The following LINC00237 variants were observed in gnomAD, a reference collection of about 807,000 sequenced individuals.
LINC00237 encodes long independently transcribed non-coding RNA 237.
intron 1 of LINC00237, among the ~76,000 whole-genome samples, chr20:21,094,274 T>C (rs2030828348): frequency 6.6e-6 from 1 of 152,158 alleles, no homozygotes; most frequent in African/African-American, 2.4e-5. Context: ...CCCTTCTGGG[T>C]CTTTCTTTCA....
exon 1 of LINC00237, chr20:21,106,358 T>C (rs1185793517): frequency 6.6e-6 from 1 of 152,226 alleles, no homozygotes; most frequent in Admixed American, 6.5e-5. Context: ...CCAGTCCGGT[T>C]AGCTGGTCGG....
At chr20:21,088,164 T>G (rs2030740593) in intron 2 of LINC00237, 1 of 152,158 alleles carries the variant, frequency 6.6e-6, no homozygotes, top group South Asian at 2.1e-4. Context: ...TCCTCCTTCC[T>G]CCTTCAGATG....
intron 1 of LINC00237, among the ~76,000 whole-genome samples, chr20:21,103,905 G>C (rs1432706503): frequency 6.6e-6 from 1 of 152,110 alleles, no homozygotes; most frequent in Non-Finnish European, 1.5e-5. Flanking sequence ...TCGCAACTTT[G>C]GGAATTGTTA....
In LINC00237 at chr20:21,102,695, A is replaced by AG. The variant is rs1157364325; in HGVS notation, n.88+3575dup. On this transcript the variant is annotated intron_variant and non_coding_transcript_variant, in intron 1 of 3. Transcript: ENST00000691244. ...CCAAGGAGTTAATTCCTATTTTATA[A>AG]GAAAAAAAAAAAAAAAAAGGAGGGG... 1.8e-4 allele frequency among the ~76,000 whole-genome samples: 20 copies of AG among 111,242 alleles called. No individual in the cohort carries two copies. In the South Asian group the frequency reaches 2.4e-3, roughly 14 times the overall value. The allele number at this position is 111,242 out of a possible 152,430, so 73.0% of individuals were successfully genotyped here.
chr20:21,096,309 A>T (rs2122176231), intron 1 of LINC00237, among the ~76,000 whole-genome samples: 1 of 152,334 alleles, frequency 6.6e-6, no homozygotes, highest in Non-Finnish European at 1.5e-5. Flanking sequence ...GGACCCAGCC[A>T]TTGGGGAACC....
At chr20:21,091,049 G>C (rs2030785635) in intron 2 of LINC00237, among the ~76,000 whole-genome samples, 3 of 150,456 alleles carry the variant, frequency 2.0e-5, no homozygotes, top group African/African-American at 5.0e-5. Flanking sequence ...AAATGTGCGT[G>C]TGTGTGTGTG....
intron 2 of LINC00237, among the ~76,000 whole-genome samples, chr20:21,088,975 T>C (rs535869552): frequency 5.9e-4 from 90 of 152,176 alleles, no homozygotes; most frequent in African/African-American, 2.0e-3. Context: ...TATCAGATTG[T>C]AGCGACCCCA....
chr20:21,104,977 T>C (rs1409154186), intron 1 of LINC00237, among the ~76,000 whole-genome samples: 1 of 152,128 alleles, frequency 6.6e-6, no homozygotes, highest in Non-Finnish European at 1.5e-5. Flanking sequence ...GGGAGAGAAA[T>C]GGTCATGGCT....
At chr20:21,086,611 A>G (rs2030700037) in intron 3 of LINC00237, among the ~76,000 whole-genome samples, 1 of 118,320 alleles carries the variant, frequency 8.5e-6, no homozygotes, top group Non-Finnish European at 1.7e-5. Context: ...ATATATGTAT[A>G]TATAGTATAC....
chr20:21,098,922 A>C (rs1256673639), intron 1 of LINC00237, among the ~76,000 whole-genome samples: 1 of 152,254 alleles, frequency 6.6e-6, no homozygotes, highest in African/African-American at 2.4e-5. Flanking sequence ...TAGGCTTTTT[A>C]TCAGGAACAG....
chr20:21,103,852 A>G (rs1284441380), intron 1 of LINC00237, among the ~76,000 whole-genome samples: 1 of 152,130 alleles, frequency 6.6e-6, no homozygotes, highest in Non-Finnish European at 1.5e-5. Flanking sequence ...ATTAGACTTG[A>G]GTGATCTTGT....
intron 1 of LINC00237, among the ~76,000 whole-genome samples, chr20:21,097,742 T>C (rs982434587): frequency 1.3e-5 from 2 of 152,198 alleles, no homozygotes; most frequent in Non-Finnish European, 2.9e-5. Flanking sequence ...AATTTCCTGT[T>C]ATGCTCAACA....
At chr20:21,098,897 C>A (rs994776648) in intron 1 of LINC00237, among the ~76,000 whole-genome samples, 5 of 152,226 alleles carry the variant, frequency 3.3e-5, no homozygotes, top group African/African-American at 1.2e-4. Flanking sequence ...CATTCAAGAT[C>A]AAATGGTTCC....
intron 1 of LINC00237, among the ~76,000 whole-genome samples, chr20:21,098,488 T>C (rs921215157): frequency 4.6e-5 from 7 of 152,244 alleles, no homozygotes; most frequent in South Asian, 2.1e-4. Flanking sequence ...AATTCTTCAA[T>C]TGAGCCCAGG....
chr20:21,086,342 T>A (rs1417522512), intron 3 of LINC00237, among the ~76,000 whole-genome samples: 2 of 151,872 alleles, frequency 1.3e-5, no homozygotes, highest in Non-Finnish European at 2.9e-5. Flanking sequence ...AGGTAAATCA[T>A]TACAGACAAG....
chr20:21,096,915 A>G (rs1244585536), intron 1 of LINC00237, among the ~76,000 whole-genome samples: 1 of 152,166 alleles, frequency 6.6e-6, no homozygotes, highest in East Asian at 1.9e-4. Context: ...AGATTTTTAG[A>G]TGCACCTGTT....
chr20:21,098,586 C>T (rs1055118703), intron 1 of LINC00237, among the ~76,000 whole-genome samples: 23 of 152,184 alleles, frequency 1.5e-4, no homozygotes, highest in Non-Finnish European at 4.4e-5. Context: ...TACCTGGGCT[C>T]ATTAGAGTAC....
At chr20:21,100,315 G>C (rs2030913510) in intron 1 of LINC00237, among the ~76,000 whole-genome samples, 1 of 152,234 alleles carries the variant, frequency 6.6e-6, no homozygotes, top group Non-Finnish European at 1.5e-5. Context: ...ACAGCCACGA[G>C]CCGGGACCAG....
At chr20:21,099,040 T>TA (rs1374103854) in intron 1 of LINC00237, among the ~76,000 whole-genome samples, 1 of 152,246 alleles carries the variant, frequency 6.6e-6, no homozygotes. Context: ...AGGCCTGTTT[T>TA]AACAACACAG....
Sources: allele counts gnomAD v4.1 joint callset (sites outside exome capture counted in the v4.1 genomes callset), GRCh38; gene constraint gnomAD v4.1.1; transcripts MANE v1.5; gene names NCBI Gene and HGNC (gene_info 2026-07-23, HGNC 2026-07-21).